SRPX: variants seen among roughly 807,000 people sequenced by gnomAD.
SRPX encodes sushi repeat containing protein X-linked.
Under a neutral mutation model 38.1 loss-of-function variants are expected in SRPX, and 24 were observed. The ratio of observed to expected loss-of-function variants is 0.63; its 90% CI spans 0.46 to 0.89. The LOEUF is 0.89. SRPX is among the 40% of genes least tolerant of loss of function. The pLI is 0.00. For synonymous variants in SRPX, 184 were observed against 153.8 expected (o/e 1.20, Z -1.45); for missense variants, 416 against 377.8 (o/e 1.10, Z -0.84).
rs756386867 is a variant in SRPX, at chrX:38,160,977, C to G, written c.731G>C (p.Arg244Thr). 53 of 1,206,910 alleles carry G rather than the reference C, an allele frequency of 4.4e-5. No homozygotes were observed. The highest frequency in any genetic ancestry group is 5.7e-5 in the Non-Finnish European group (51 of 893,720). Residue 244 changes from arginine (R) to threonine (T), a missense_variant, in exon 6 of 10, where the codon AGA (arginine) becomes ACA (threonine). Coordinates refer to ENST00000378533, the MANE Select transcript of SRPX (RefSeq NM_006307.5). ...DHKIQYTVYD[R>T]AENKGTCKFR... ...TTTGCAAGTGCCCTTATTCTCAGCT[C>G]TGTCATAGACTGTGTACTGGATCTT... is the stretch of plus-strand genomic sequence containing the variant.
intron 1 of SRPX, among the ~76,000 whole-genome samples, chrX:38,195,627 T>C (rs764416593): frequency 4.9e-4 from 55 of 111,464 alleles, no homozygotes; most frequent in Non-Finnish European, 9.0e-4. Context: ...GTCTTAGATC[T>C]GGAAATACTC....
chrX:38,162,541 C>T (rs1374120297), intron 5 of SRPX, among the ~76,000 whole-genome samples: 1 of 112,686 alleles, frequency 8.9e-6, no homozygotes, highest in Non-Finnish European at 1.9e-5. Flanking sequence ...CTGCCGGGTG[C>T]AGTGGCTCAT....
At chrX:38,159,547 T>C (rs1446100780) in intron 7 of SRPX, among the ~76,000 whole-genome samples, 1 of 113,012 alleles carries the variant, frequency 8.8e-6, no homozygotes, top group Non-Finnish European at 1.9e-5. Context: ...CATTTAATCC[T>C]TACAACTCAA....
intron 1 of SRPX, among the ~76,000 whole-genome samples, chrX:38,184,572 T>C (rs1938735836): frequency 9.0e-6 from 1 of 111,567 alleles, no homozygotes; most frequent in Admixed American, 9.5e-5. Context: ...TTGAACATGT[T>C]TTTTGGTACA....
intron 1 of SRPX, among the ~76,000 whole-genome samples, chrX:38,199,082 G>C (rs1939056233): frequency 9.0e-6 from 1 of 111,361 alleles, no homozygotes; most frequent in African/African-American, 3.3e-5. Flanking sequence ...ATACTTATAA[G>C]GTATTGAAAA....
intron 1 of SRPX, among the ~76,000 whole-genome samples, chrX:38,190,390 C>T (rs868033374): frequency 1.8e-5 from 2 of 111,923 alleles, no homozygotes; most frequent in Middle Eastern, 4.6e-3. Flanking sequence ...CCTTATAAAA[C>T]ATTCTCCGGT....
intron 1 of SRPX, among the ~76,000 whole-genome samples, chrX:38,214,148 A>G (rs58236438): frequency 0.012 from 1,337 of 111,918 alleles, 29 homozygotes; most frequent in African/African-American, 0.042. Flanking sequence ...AAGGAATTCT[A>G]TAGCCACTAG....
chrX:38,206,584 G>C (rs1311208245), intron 1 of SRPX, among the ~76,000 whole-genome samples: 2 of 112,011 alleles, frequency 1.8e-5, no homozygotes, highest in African/African-American at 6.5e-5. Context: ...CCTGGGTTAA[G>C]TTCCAGCTTA....
chrX:38,178,046 T>C (rs1048929722), intron 2 of SRPX, among the ~76,000 whole-genome samples: 1 of 112,148 alleles, frequency 8.9e-6, no homozygotes, highest in African/African-American at 3.2e-5. Flanking sequence ...TAAAGAAACT[T>C]ATGAGAATAA....
At chrX:38,159,991 G>T in intron 7 of SRPX, 26 bp downstream of exon 7, 2 of 1,198,763 alleles carry the variant, frequency 1.7e-6, no homozygotes, top group African/African-American at 1.7e-5. Flanking sequence ...AGGTTCTGCT[G>T]CAGGCTGGAG....
At chrX:38,182,688 A>G (rs769086006) in intron 1 of SRPX, among the ~76,000 whole-genome samples, 17 of 112,080 alleles carry the variant, frequency 1.5e-4, no homozygotes, top group African/African-American at 5.5e-4. Context: ...TCCCTGATAA[A>G]AGAGAAAACT....
Position 38,160,798 on chromosome X carries a change from C to G in SRPX, c.775+135G>C. On this transcript the variant is annotated intron_variant, in intron 6 of 9. Coordinates refer to ENST00000378533, the MANE Select transcript of SRPX (RefSeq NM_006307.5). Reference sequence around the variant, plus strand: ...CATTAAGATAGGGCACTTCCCCAAGCCTTATTAGAGACTAATCTAAAGCTG... The same window carrying G: ...CATTAAGATAGGGCACTTCCCCAAGGCTTATTAGAGACTAATCTAAAGCTG... 5 of 797,992 alleles carry G rather than the reference C, an allele frequency of 6.3e-6. 1 individual carries two copies. In the South Asian group the frequency reaches 1.3e-4, roughly 20 times the overall value. The allele number at this position is 797,992 out of a possible 1,213,427, so 65.8% of individuals were successfully genotyped here. A position where few individuals can be genotyped will look rare whatever the true frequency, so the allele number is the denominator to read the frequency against.
Position 38,160,974 on chromosome X carries a change from G to C in SRPX, c.734C>G (p.Ala245Gly). 8.3e-7 allele frequency: 1 copy of C among 1,209,675 alleles called. No individual in the cohort carries two copies. Among genetic ancestry groups the C allele is most frequent in the Non-Finnish European group, 1.1e-6 (1 of 894,409 alleles). The part of the protein sequence containing the change: ...HKIQYTVYDR[A>G]ENKGTCKFRV... ...AAATTTGCAAGTGCCCTTATTCTCA[G>C]CTCTGTCATAGACTGTGTACTGGAT... Residue 245 changes from alanine to glycine, a missense_variant, in exon 6 of 10, where the codon GCT (alanine) becomes GGT (glycine). By Grantham distance (60) the Ala-to-Gly change is moderately conservative. Transcript: ENST00000378533.
At chrX:38,196,444 A>G (rs1270557558) in intron 1 of SRPX, among the ~76,000 whole-genome samples, 3 of 112,555 alleles carry the variant, frequency 2.7e-5, no homozygotes, top group Non-Finnish European at 3.7e-5. Flanking sequence ...TTGCTATTCT[A>G]TTACATTTGA....
At chrX:38,195,690 T>C (rs1004213441) in intron 1 of SRPX, among the ~76,000 whole-genome samples, 2 of 111,848 alleles carry the variant, frequency 1.8e-5, no homozygotes, top group African/African-American at 3.3e-5. Context: ...AGAGTCCCAA[T>C]GAAAACTCAA....
chrX:38,167,231 C>T (rs895024230), intron 4 of SRPX, among the ~76,000 whole-genome samples: 5 of 111,944 alleles, frequency 4.5e-5, no homozygotes, highest in African/African-American at 1.6e-4. Context: ...AATGCCATTA[C>T]ATATTTTAAA....
intron 1 of SRPX, among the ~76,000 whole-genome samples, chrX:38,198,868 C>T (rs995427922): frequency 1.8e-5 from 2 of 110,887 alleles, no homozygotes; most frequent in African/African-American, 3.3e-5. Flanking sequence ...TTAAAAAGTG[C>T]ACAATTCAAT....
intron 1 of SRPX, among the ~76,000 whole-genome samples, chrX:38,212,479 A>C (rs1939346084): frequency 9.0e-6 from 1 of 111,698 alleles, no homozygotes; most frequent in African/African-American, 3.3e-5. Flanking sequence ...AGTACTTCCT[A>C]AATTTCATCA....
rs911172384 is a variant in SRPX, at chrX:38,155,221, T to A, written c.1090-638A>T. On this transcript the variant is annotated intron_variant, in intron 8 of 9. Transcript: ENST00000378533. ...GAAAGACGAAAACATCAAATATGTT[T>A]TACCAAAATTCCACTGAAACGTCCC... Among the ~76,000 whole-genome samples the A allele has an allele frequency of 3.6e-5, 4 of 112,414 alleles. No homozygotes were observed. In the Admixed American group the frequency reaches 3.8e-4, roughly 11 times the overall value.
Sources: allele counts gnomAD v4.1 joint callset (sites outside exome capture counted in the v4.1 genomes callset), GRCh38; gene constraint gnomAD v4.1.1; transcripts MANE v1.5; gene names NCBI Gene and HGNC (gene_info 2026-07-23, HGNC 2026-07-21).